The following CTNND2 variants were observed in gnomAD, a reference collection of about 807,000 sequenced individuals.
The protein encoded by CTNND2 is catenin delta-2.
CTNND2 carries 22 observed loss-of-function variants against 144.4 expected under a neutral mutation model. The ratio of observed to expected loss-of-function variants is 0.15; its 90% CI spans 0.11 to 0.22. The LOEUF (loss-of-function observed/expected upper bound fraction) is 0.22, where lower values mean the gene tolerates loss of function less well. Among genes scored for constraint, CTNND2 ranks in the 10% least tolerant of loss-of-function variants. The probability of loss-of-function intolerance (pLI) is 1.00; values close to 1 mark genes in which losing one functional copy is unlikely to be tolerated. For synonymous variants in CTNND2, 751 were observed against 695.6 expected, an observed-to-expected ratio of 1.08 and a Z score of -1.25; for missense variants, 1,353 against 1,618.8, an observed-to-expected ratio of 0.84 and a Z score of 2.82.
intron 3 of CTNND2, among the ~76,000 whole-genome samples, chr5:11,445,655 G>A (rs1021950342): frequency 2.6e-5 from 4 of 152,180 alleles, no homozygotes; most frequent in East Asian, 1.9e-4. Context: ...CAGAAAAAAC[G>A]TACCCTAATA....
At chr5:11,464,475 T>TA (rs1157744448) in intron 3 of CTNND2, among the ~76,000 whole-genome samples, 2 of 152,120 alleles carry the variant, frequency 1.3e-5, no homozygotes, top group East Asian at 1.9e-4. Flanking sequence ...CAGCAGGACT[T>TA]AGACTTAGTG....
chr5:11,072,005 C>A (rs1748373267), intron 16 of CTNND2, among the ~76,000 whole-genome samples: 1 of 152,144 alleles, frequency 6.6e-6, no homozygotes, highest in South Asian at 2.1e-4. Flanking sequence ...GAAAATTAAA[C>A]CTAGTGAGTT....
intron 3 of CTNND2, among the ~76,000 whole-genome samples, chr5:11,480,644 ATATGTGTGTGTG>A (rs933448220): frequency 1.4e-5 from 2 of 138,020 alleles, no homozygotes; most frequent in African/African-American, 5.4e-5. Context: ...GAAAATACAT[ATATGTGTGTGTG>A]TGTGTGTGTG....
rs181652380 is a variant in CTNND2, at chr5:11,520,701, C to T, written c.287+44243G>A. The stretch of plus-strand genomic sequence containing the variant: ...TGGCCCTCATCCAGGCATTTGGCTG[C>T]CTTCACCCAGTACCAGCCCATCACC... On this transcript the variant is annotated intron_variant, in intron 3 of 21. Coordinates refer to ENST00000304623, the MANE Select transcript of CTNND2 (RefSeq NM_001332.4). 3.9e-5 allele frequency among the ~76,000 whole-genome samples: 6 copies of T among 152,326 alleles called. No individual in the cohort carries two copies. In the East Asian group the frequency reaches 9.7e-4, roughly 25 times the overall value.
intron 11 of CTNND2, among the ~76,000 whole-genome samples, chr5:11,162,192 G>A (rs974894862): frequency 2.0e-5 from 3 of 152,042 alleles, no homozygotes; most frequent in Non-Finnish European, 2.9e-5. Flanking sequence ...AAATAGCAGA[G>A]AGAAACCTTT....
At chr5:10,987,470 G>A (rs1738125121) in intron 20 of CTNND2, among the ~76,000 whole-genome samples, 1 of 152,180 alleles carries the variant, frequency 6.6e-6, no homozygotes, top group Non-Finnish European at 1.5e-5. Flanking sequence ...CGTGAGGGAT[G>A]ACGAGCGTGA....
chr5:11,675,301 T>C (rs1175519388), intron 2 of CTNND2, among the ~76,000 whole-genome samples: 1 of 152,154 alleles, frequency 6.6e-6, no homozygotes, highest in Non-Finnish European at 1.5e-5. Flanking sequence ...TTAACCGTGA[T>C]ACCCAATTTT....
intron 18 of CTNND2, among the ~76,000 whole-genome samples, chr5:10,995,673 G>A (rs530119901): frequency 6.5e-4 from 99 of 152,238 alleles, no homozygotes; most frequent in African/African-American, 2.3e-3. Context: ...TGTGCTGATG[G>A]GAATGACTGA....
At chr5:10,995,650 T>C (rs1739260629) in intron 18 of CTNND2, among the ~76,000 whole-genome samples, 2 of 152,060 alleles carry the variant, frequency 1.3e-5, no homozygotes, top group Non-Finnish European at 2.9e-5. Context: ...CTAGAAGATA[T>C]TGCAGTATTT....
chr5:11,603,021 G>T (rs1779882172), intron 2 of CTNND2, among the ~76,000 whole-genome samples: 1 of 151,824 alleles, frequency 6.6e-6, no homozygotes, highest in Non-Finnish European at 1.5e-5. Flanking sequence ...AAATAGGTTG[G>T]TAATTTAAAA....
intron 16 of CTNND2, among the ~76,000 whole-genome samples, chr5:11,080,633 C>G (rs1200334089): frequency 6.6e-6 from 1 of 152,132 alleles, no homozygotes; most frequent in Non-Finnish European, 1.5e-5. Context: ...CAAAGGAATA[C>G]TACTCAGCCA....
In CTNND2 at chr5:11,823,894, G is replaced by A. The variant is rs570590154; in HGVS notation, c.37+79923C>T. On this transcript the variant is annotated intron_variant, in intron 1 of 21. Transcript: ENST00000304623. Reference sequence around the variant, plus strand: ...AGGCTGAGGCAGGCAGATTACTTGAGGTCAGGAGTTTGAGACCAGCCTGGC... The same window carrying A: ...AGGCTGAGGCAGGCAGATTACTTGAAGTCAGGAGTTTGAGACCAGCCTGGC... Among the ~76,000 whole-genome samples the A allele has an allele frequency of 3.9e-4, 60 of 152,130 alleles. 3 individuals are homozygous for A. The South Asian group carries it at 0.012, about 31-fold the overall frequency.
intron 10 of CTNND2, among the ~76,000 whole-genome samples, chr5:11,221,571 T>C (rs961781716): frequency 6.6e-6 from 1 of 152,182 alleles, no homozygotes; most frequent in Admixed American, 6.5e-5. Context: ...ATAACTGCAA[T>C]GAAATCTTAG....
chr5:11,738,071 C>G (rs147925768), intron 1 of CTNND2, among the ~76,000 whole-genome samples: 74 of 152,288 alleles, frequency 4.9e-4, no homozygotes, highest in African/African-American at 1.7e-3. Context: ...GGCATGGAGT[C>G]TTGGGAACTG....
chr5:11,132,490 T>A (rs561093059), intron 12 of CTNND2, among the ~76,000 whole-genome samples: 1 of 152,320 alleles, frequency 6.6e-6, no homozygotes, highest in African/African-American at 2.4e-5. Flanking sequence ...CTTTGCCCTC[T>A]TTCCGCTGTG....
At chr5:11,776,814 G>A (rs781308359) in intron 1 of CTNND2, among the ~76,000 whole-genome samples, 8 of 152,122 alleles carry the variant, frequency 5.3e-5, no homozygotes, top group Non-Finnish European at 1.2e-4. Flanking sequence ...ATCACCAGAA[G>A]ATAGAAATAT....
chr5:11,090,806 CTTT>C (rs11415309), intron 15 of CTNND2, among the ~76,000 whole-genome samples: 3 of 147,524 alleles, frequency 2.0e-5, no homozygotes, highest in African/African-American at 7.5e-5. Flanking sequence ...CCTTTTTTTT[CTTT>C]TTTTTTTAGT....
rs80197378 is a variant in CTNND2, at chr5:11,782,140, C to A, written c.38-49868G>T. 7.7e-3 allele frequency among the ~76,000 whole-genome samples: 1,171 copies of A among 152,284 alleles called. 10 individuals carry two copies. Among genetic ancestry groups the A allele is most frequent in the African/African-American group, 0.027 (1,113 of 41,568 alleles). On this transcript the variant is annotated intron_variant, in intron 1 of 21. Coordinates refer to ENST00000304623, the MANE Select transcript of CTNND2 (RefSeq NM_001332.4). ...CTTGCCTGCCACCATTTAAGACATG[C>A]CTTTGTTCCTCCTTTGTCTTCCACC...
At chr5:11,586,838 A>AT (rs908286059) in intron 2 of CTNND2, among the ~76,000 whole-genome samples, 1 of 151,928 alleles carries the variant, frequency 6.6e-6, no homozygotes, top group African/African-American at 2.4e-5. Flanking sequence ...AATTCTCACA[A>AT]TTTTTTTTAT....
Sources: gnomAD v4.1 joint callset for allele counts (sites outside exome capture counted in the v4.1 genomes callset) on GRCh38, gnomAD v4.1.1 for gene constraint, MANE v1.5 for transcripts, NCBI Gene and HGNC (gene_info 2026-07-23, HGNC 2026-07-21) for gene names.